Variants in ATCAY observed in about 807,000 individuals in gnomAD.
The protein encoded by ATCAY is caytaxin.
ATCAY carries 22 observed loss-of-function variants against 47.7 expected under a neutral mutation model. The observed-to-expected ratio is 0.46, with a 90% CI of 0.33 to 0.66. The LOEUF (loss-of-function observed/expected upper bound fraction) is 0.66, where lower values mean the gene tolerates loss of function less well. Among genes scored for constraint, ATCAY ranks in the 30% least tolerant of loss-of-function variants. The pLI is 0.02. For synonymous variants in ATCAY, 216 were observed against 207.6 expected (o/e 1.04, Z -0.35); for missense variants, 452 against 515.0 (o/e 0.88, Z 1.18).
In ATCAY at chr19:3,909,613, C is replaced by A. The variant is rs751953427; in HGVS notation, c.775C>A (p.Arg259=). 69 of 1,589,450 alleles carry A rather than the reference C, an allele frequency of 4.3e-5. 1 individual carries two copies. In the Middle Eastern group the frequency reaches 1.0e-3, roughly 23 times the overall value. ...WLKKCYQMID[R]RLRKNLKSLI... is the part of the protein sequence containing the mutation. ...GAAGAAGTGCTACCAGATGATCGAC[C>A]GGAGGTGAGGTGGGGATGCCTCAGG... The change falls in exon 7 of 13, where the codon CGG becomes AGG. Residue 259 remains arginine, a synonymous_variant. Transcript: ENST00000450849.
chr19:3,922,250 T>C, intron 12 of ATCAY: 1 of 699,972 alleles, frequency 1.4e-6, no homozygotes, highest in East Asian at 2.7e-5. Flanking sequence ...ATTCTCATGC[T>C]GCTATGAAGA....
At chr19:3,898,075 G>A (rs1489467418) in intron 2 of ATCAY, among the ~76,000 whole-genome samples, 2 of 152,070 alleles carry the variant, frequency 1.3e-5, no homozygotes, top group Non-Finnish European at 2.9e-5. Context: ...CACCGTGAGA[G>A]GAAATCCTAT....
intron 2 of ATCAY, among the ~76,000 whole-genome samples, chr19:3,897,435 G>A (rs1050665228): frequency 4.6e-4 from 70 of 151,740 alleles, no homozygotes; most frequent in African/African-American, 1.6e-3. Context: ...AAATAGCTGG[G>A]ACTACAGGGA....
At chr19:3,920,953 C>T in intron 12 of ATCAY, 155 bp downstream of exon 12, 3 of 885,288 alleles carry the variant, frequency 3.4e-6, no homozygotes, top group Admixed American at 2.0e-5. Context: ...TGCCCCATGA[C>T]TTATCGGGAG....
intron 2 of ATCAY, among the ~76,000 whole-genome samples, chr19:3,888,245 A>ATT (rs2038681247): frequency 6.6e-6 from 1 of 152,120 alleles, no homozygotes; most frequent in African/African-American, 2.4e-5. Flanking sequence ...TCCATCCCCC[A>ATT]AACACAATGC....
intron 2 of ATCAY, among the ~76,000 whole-genome samples, chr19:3,887,935 T>C (rs1356523410): frequency 4.0e-5 from 6 of 150,948 alleles, no homozygotes; most frequent in East Asian, 4.0e-4. Flanking sequence ...AGTGAAACCC[T>C]GTCTCTACTA....
In ATCAY at chr19:3,888,098, T is replaced by C. The variant is rs10417549; in HGVS notation, c.77+2254T>C. On this transcript the variant is annotated intron_variant, in intron 2 of 12. Coordinates refer to ENST00000450849, the MANE Select transcript of ATCAY (RefSeq NM_033064.5). Reference sequence around the variant, plus strand: ...CACCGCACTCCAGCCCGGGTGACAGTGTGAGACTCCGTCTCAAAAAAAAAA... The same window carrying C: ...CACCGCACTCCAGCCCGGGTGACAGCGTGAGACTCCGTCTCAAAAAAAAAA... Among the ~76,000 whole-genome samples the C allele has an allele frequency of 6.7e-3, 950 of 142,400 alleles. 5 individuals are homozygous for C. The highest frequency in any genetic ancestry group is 0.032 in the Middle Eastern group (9 of 278). 93.4% of individuals were successfully genotyped at this position (142,400 alleles called of 152,430 possible).
intron 6 of ATCAY, among the ~76,000 whole-genome samples, chr19:3,908,576 C>G (rs892005493): frequency 6.6e-6 from 1 of 151,510 alleles, no homozygotes; most frequent in Non-Finnish European, 1.5e-5. Context: ...TGTTCTCCTC[C>G]CCGTCCTCCT....
At position 3,907,147 on chromosome 19, in the gene ATCAY, AG is replaced by A. The variant is rs949643259; in HGVS notation, c.359-586del. Among the ~76,000 whole-genome samples, 31 of 145,860 alleles carry A rather than the reference AG, an allele frequency of 2.1e-4. No individual in the cohort carries two copies. The highest frequency in any genetic ancestry group is 7.0e-4 in the African/African-American group (28 of 39,812). On this transcript the variant is annotated intron_variant, in intron 4 of 12. Coordinates refer to ENST00000450849, the MANE Select transcript of ATCAY (RefSeq NM_033064.5). This position sits in a 1 kb window ranked among gnomAD's most constrained non-coding sequence, Gnocchi z 5.1. ...AGACTCTCTCAAAAAAAAAAAAGAAAGAAAAAAAAAAATTAAGGACAATGTA... is the reference window on the plus strand; with the variant it reads ...AGACTCTCTCAAAAAAAAAAAAGAAAAAAAAAAAAAATTAAGGACAATGTA...
chr19:3,916,715 C>T (rs1318719958), intron 9 of ATCAY, among the ~76,000 whole-genome samples: 1 of 151,868 alleles, frequency 6.6e-6, no homozygotes, highest in Non-Finnish European at 1.5e-5. Flanking sequence ...TGGCTGGTCT[C>T]AAACTCCCCA....
chr19:3,921,855 C>T (rs1188465541), intron 12 of ATCAY, among the ~76,000 whole-genome samples: 1 of 151,498 alleles, frequency 6.6e-6, no homozygotes, highest in Non-Finnish European at 1.5e-5. Context: ...TGAGATTGCA[C>T]CATTGCATTC....
intron 9 of ATCAY, among the ~76,000 whole-genome samples, chr19:3,915,717 A>ATTTT (rs58629412): frequency 5.5e-5 from 6 of 108,912 alleles, no homozygotes; most frequent in East Asian, 2.9e-4. Flanking sequence ...TGCCCAGCTA[A>ATTTT]TTTTTTTTTT....
At chr19:3,898,108 A>G (rs556919279) in intron 2 of ATCAY, among the ~76,000 whole-genome samples, 1 of 151,998 alleles carries the variant, frequency 6.6e-6, no homozygotes, top group African/African-American at 2.4e-5. Context: ...CCCCATTTTC[A>G]TCCCTCTCCC....
In ATCAY at chr19:3,918,833, G is replaced by C. The variant is rs1164923151; in HGVS notation, c.1029G>C (p.Leu343=). The C allele has an allele frequency of 6.2e-7, 1 of 1,613,998 alleles. No homozygotes were observed. Among genetic ancestry groups the C allele is most frequent in the South Asian group, 1.1e-5 (1 of 91,090 alleles). ...CGAGGCCCCAGCCGGAGTTTGTGCT[G>C]CCCAGGTCTGAAGAGAAGCCAGAGG... The part of the protein sequence containing the change: ...ESARPQPEFV[L]PRSEEKPEVA... The change falls in exon 11 of 13, where the codon CTG becomes CTC. Residue 343 remains leucine, a synonymous_variant. Coordinates refer to ENST00000450849, the MANE Select transcript of ATCAY (RefSeq NM_033064.5).
intron 1 of ATCAY, among the ~76,000 whole-genome samples, 167 bp from the exon 2 acceptor site, chr19:3,885,557 AAAG>A (rs1196847608): frequency 1.0e-4 from 15 of 147,522 alleles, no homozygotes; most frequent in Admixed American, 1.4e-4. Flanking sequence ...CCGTCTCAAA[AAAG>A]AAGAAGAAGA....
Position 3,924,733 on chromosome 19 carries a change from C to A in ATCAY, c.*141C>A. The stretch of plus-strand genomic sequence containing the variant: ...AGGGTGCCAGCCCCTCCGTTCATCT[C>A]TGAAACCCAGCATCCTTTTCAGCTG... On this transcript the variant is annotated 3_prime_UTR_variant, in exon 13 of 13. Coordinates refer to ENST00000450849, the MANE Select transcript of ATCAY (RefSeq NM_033064.5). The A allele has an allele frequency of 1.2e-6, 1 of 820,968 alleles. No individual in the cohort carries two copies. The highest frequency in any genetic ancestry group is 2.7e-5 in the East Asian group (1 of 37,558). 50.9% of individuals were successfully genotyped at this position (820,968 alleles called of 1,614,324 possible).
In ATCAY at chr19:3,910,926, T is replaced by G. The variant is rs375074275; in HGVS notation, c.866+37T>G. 3.2e-5 allele frequency: 51 copies of G among 1,605,052 alleles called. No individual in the cohort carries two copies. In the Middle Eastern group the frequency reaches 8.3e-4, roughly 26 times the overall value. ...AGGCTGCAACCCAAGTCCAGTGGCC[T>G]CAGTGTGCGTGTGTGCGTGTGTGTA... On this transcript the variant is annotated intron_variant, in intron 8 of 12. Coordinates refer to ENST00000450849, the MANE Select transcript of ATCAY (RefSeq NM_033064.5).
At chr19:3,891,776 G>A (rs1024393222) in intron 2 of ATCAY, among the ~76,000 whole-genome samples, 1 of 152,008 alleles carries the variant, frequency 6.6e-6, no homozygotes, top group Non-Finnish European at 1.5e-5. Context: ...TCAGATGCAG[G>A]GTGAGCTGCC....
Position 3,907,682 on chromosome 19 carries a change from A to C in ATCAY, c.359-52A>C. 1 of 1,601,620 alleles carries C rather than the reference A, an allele frequency of 6.2e-7. No homozygotes were observed. The highest frequency in any genetic ancestry group is 2.2e-5 in the East Asian group (1 of 44,764). ...GGGAAGGAAGGCTGAGCAGGAGGGCAGGAGATATCCGGACTCTGGCGTCCA... is the reference window on the plus strand; with the variant it reads ...GGGAAGGAAGGCTGAGCAGGAGGGCCGGAGATATCCGGACTCTGGCGTCCA... On this transcript the variant is annotated intron_variant, in intron 4 of 12. Coordinates refer to ENST00000450849, the MANE Select transcript of ATCAY (RefSeq NM_033064.5). The surrounding 1 kb of genome is among the most constrained non-coding windows in gnomAD (Gnocchi z 5.1).
Sources: allele counts gnomAD v4.1 joint callset (sites outside exome capture counted in the v4.1 genomes callset), GRCh38; gene constraint gnomAD v4.1.1; non-coding constraint Gnocchi (gnomAD v3.1); transcripts MANE v1.5; gene names NCBI Gene and HGNC (gene_info 2026-07-23, HGNC 2026-07-21).